RFTN1: variants seen among roughly 807,000 people sequenced by gnomAD.
RFTN1 encodes the protein raftlin.
In RFTN1, 26 loss-of-function variants were observed where a neutral mutation model predicts 46.5. That is an observed-to-expected ratio of 0.56 (90% CI 0.41 to 0.78). The LOEUF is 0.78. Ranked by LOEUF, RFTN1 falls within the 30% of genes least tolerant of loss-of-function variation. The pLI is 0.00. For synonymous variants in RFTN1, 261 were observed against 284.2 expected, an observed-to-expected ratio of 0.92 and a Z score of 0.82; for missense variants, 693 against 718.7, an observed-to-expected ratio of 0.96 and a Z score of 0.41.
intron 2 of RFTN1, among the ~76,000 whole-genome samples, chr3:16,487,432 T>G (rs1249684443): frequency 6.6e-6 from 1 of 152,244 alleles, no homozygotes; most frequent in Non-Finnish European, 1.5e-5. Context: ...TATAGAACTT[T>G]CGGCAATGAT....
Position 16,317,250 on chromosome 3 carries a change from TG to T in RFTN1, c.1333-19del. The T allele has an allele frequency of 1.2e-6, 2 of 1,608,948 alleles. No individual in the cohort carries two copies. On this transcript the variant is annotated intron_variant, in intron 9 of 9. Transcript: ENST00000334133. This position sits in a 1 kb window ranked among gnomAD's most constrained non-coding sequence, Gnocchi z 4.3. ...CACTGAAACTAGAAATCAGAAAGGA[TG>T]GGGATAAATAACAAGCCTCCGGGAA... is the stretch of plus-strand genomic sequence containing the variant.
Position 16,384,891 on chromosome 3 carries a change from C to T in RFTN1, c.442-6789G>A, listed in dbSNP as rs368214374. On this transcript the variant is annotated intron_variant, in intron 4 of 9. Transcript: ENST00000334133. The surrounding 1 kb of genome is among the most constrained non-coding windows in gnomAD (Gnocchi z 4.7). The stretch of plus-strand genomic sequence containing the variant: ...GTAGAACATATCCATCATCATAGAA[C>T]GTTCTATTGGGTAGCTCTGCTATAG... 2.0e-4 allele frequency among the ~76,000 whole-genome samples: 31 copies of T among 152,232 alleles called. No individual in the cohort carries two copies. Among genetic ancestry groups the T allele is most frequent in the African/African-American group, 4.8e-5 (2 of 41,520 alleles).
rs2074056983 is a variant in RFTN1 at position 16,383,321 on chromosome 3, T to C, written c.442-5219A>G. Among the ~76,000 whole-genome samples the C allele has an allele frequency of 6.6e-6, 1 of 152,168 alleles. No homozygotes were observed. Among genetic ancestry groups the C allele is most frequent in the African/African-American group, 2.4e-5 (1 of 41,442 alleles). ...CCTGTAAGAACCCACCTGCCCCAAATACTTAAAGAGTAACAATTTCTGGTT... is the reference window on the plus strand; with the variant it reads ...CCTGTAAGAACCCACCTGCCCCAAACACTTAAAGAGTAACAATTTCTGGTT... On this transcript the variant is annotated intron_variant, in intron 4 of 9. Transcript: ENST00000334133. The surrounding 1 kb of genome is among the most constrained non-coding windows in gnomAD (Gnocchi z 4.0).
intron 2 of RFTN1, among the ~76,000 whole-genome samples, chr3:16,471,710 A>G (rs990339387): frequency 6.6e-6 from 1 of 152,220 alleles, no homozygotes; most frequent in African/African-American, 2.4e-5. Context: ...TAAGCATTCT[A>G]AAACACACAC....
rs550739197 is a variant in RFTN1, at chr3:16,440,777, T to C, written c.146-6740A>G. On this transcript the variant is annotated intron_variant, in intron 2 of 9. Transcript: ENST00000334133. The surrounding 1 kb of genome is among the most constrained non-coding windows in gnomAD (Gnocchi z 4.6). ...CTTCCTAATCTTTAAATGTGACAAG[T>C]AACTGTAATTTTTTTCTCAATCCCA... is the stretch of plus-strand genomic sequence containing the variant. Among the ~76,000 whole-genome samples the C allele has an allele frequency of 1.3e-5, 2 of 152,202 alleles. 1 individual carries two copies. The highest frequency in any genetic ancestry group is 4.8e-5 in the African/African-American group (2 of 41,528).
rs905874702 is a variant in RFTN1, at chr3:16,414,869, G to A, written c.333-5386C>T. ...AGAAGCCCTGTGGCCGGGGCTCAGT[G>A]CAGAGGGGTGCAGGGAGGAAGACAC... On this transcript the variant is annotated intron_variant, in intron 3 of 9. Coordinates refer to ENST00000334133, the MANE Select transcript of RFTN1 (RefSeq NM_015150.2). 4.6e-5 allele frequency among the ~76,000 whole-genome samples: 7 copies of A among 152,216 alleles called. No homozygotes were observed. In the East Asian group the frequency reaches 1.2e-3, roughly 25 times the overall value.
At chr3:16,391,892 TTG>T (rs750097206) in intron 4 of RFTN1, among the ~76,000 whole-genome samples, 1,837 of 29,956 alleles carry the variant, frequency 0.061, 274 homozygotes, top group East Asian at 0.11. Context: ...GTTTTTTTTT[TTG>T]TTTTTTTTAC....
chr3:16,359,816 C>CTT (rs144720357), intron 6 of RFTN1, among the ~76,000 whole-genome samples: 5 of 148,474 alleles, frequency 3.4e-5, no homozygotes, highest in Non-Finnish European at 7.5e-5. Flanking sequence ...ATAATGTGAC[C>CTT]TTTTTTTTTT....
chr3:16,407,905 A>G lies in RFTN1; in HGVS notation c.441+1470T>C, dbSNP rs921638369. On this transcript the variant is annotated intron_variant, in intron 4 of 9. Transcript: ENST00000334133. The surrounding 1 kb of genome is among the most constrained non-coding windows in gnomAD (Gnocchi z 4.0). ...TCAGAGATCATCTGGCTCCTGGTCT[A>G]TGGGCCATAGACCCATACATGAGCG... Among the ~76,000 whole-genome samples, 1 of 152,112 alleles carries G rather than the reference A, an allele frequency of 6.6e-6. No homozygotes were observed. Among genetic ancestry groups the G allele is most frequent in the Non-Finnish European group, 1.5e-5 (1 of 68,022 alleles).
Position 16,424,941 on chromosome 3 carries a change from C to A in RFTN1, c.332+8910G>T, listed in dbSNP as rs1201338542. On this transcript the variant is annotated intron_variant, in intron 3 of 9. Transcript: ENST00000334133. This position sits in a 1 kb window ranked among gnomAD's most constrained non-coding sequence, Gnocchi z 4.7. ...TATCTTTTTCAGCTTGAAAAACACA[C>A]AAAAAAAATCTAAGTTACTTCTGAT... is the stretch of plus-strand genomic sequence containing the variant. 1.3e-5 allele frequency among the ~76,000 whole-genome samples: 2 copies of A among 148,580 alleles called. No individual in the cohort carries two copies. Among genetic ancestry groups the A allele is most frequent in the African/African-American group, 2.4e-5 (1 of 40,834 alleles).
intron 4 of RFTN1, among the ~76,000 whole-genome samples, chr3:16,406,298 G>C (rs1282487218): frequency 6.6e-6 from 1 of 152,198 alleles, no homozygotes; most frequent in African/African-American, 2.4e-5. Context: ...TGTTGTCATG[G>C]CAACTGGACT....
Position 16,480,060 on chromosome 3 carries a change from A to G in RFTN1, c.145+13665T>C, listed in dbSNP as rs2076339935. 6.6e-6 allele frequency among the ~76,000 whole-genome samples: 1 copy of G among 152,202 alleles called. No homozygotes were observed. Among genetic ancestry groups the G allele is most frequent in the Non-Finnish European group, 1.5e-5 (1 of 68,030 alleles). ...ATTGAGAGACCTTACTATCTTGTTC[A>G]CCATTGCATGCTCAATACAGAGCCT... On this transcript the variant is annotated intron_variant, in intron 2 of 9. Transcript: ENST00000334133. This position sits in a 1 kb window ranked among gnomAD's most constrained non-coding sequence, Gnocchi z 4.3.
At position 16,353,103 on chromosome 3, in the gene RFTN1, G is replaced by A. The variant is rs939169708; in HGVS notation, c.1146+4829C>T. ...CACTGTGAGACATGAGAAAGAGCTG[G>A]GCAGGGACGTTTTGTGGTCGGAGAG... On this transcript the variant is annotated intron_variant, in intron 7 of 9. Transcript: ENST00000334133. This position sits in a 1 kb window ranked among gnomAD's most constrained non-coding sequence, Gnocchi z 5.4. 3.0e-4 allele frequency among the ~76,000 whole-genome samples: 45 copies of A among 152,188 alleles called. No individual in the cohort carries two copies. The highest frequency in any genetic ancestry group is 9.9e-4 in the African/African-American group (41 of 41,438).
At chr3:16,445,441 C>T (rs1294253788) in intron 2 of RFTN1, among the ~76,000 whole-genome samples, 1 of 151,226 alleles carries the variant, frequency 6.6e-6, no homozygotes, top group Non-Finnish European at 1.5e-5. Context: ...CTCTCTCTGT[C>T]TGTTGCCATT....
chr3:16,413,574 G>A lies in RFTN1; in HGVS notation c.333-4091C>T, dbSNP rs1277905267. 6.6e-6 allele frequency among the ~76,000 whole-genome samples: 1 copy of A among 152,152 alleles called. No individual in the cohort carries two copies. Among genetic ancestry groups the A allele is most frequent in the Admixed American group, 6.5e-5 (1 of 15,280 alleles). On this transcript the variant is annotated intron_variant, in intron 3 of 9. Coordinates refer to ENST00000334133, the MANE Select transcript of RFTN1 (RefSeq NM_015150.2). The surrounding 1 kb of genome is among the most constrained non-coding windows in gnomAD (Gnocchi z 4.7). ...GAAGTCCAGATGACTTCCACTTTTG[G>A]AAAGGACAGAGAGATCTGGTTTTAA...
intron 6 of RFTN1, among the ~76,000 whole-genome samples, chr3:16,366,246 G>C (rs972636368): frequency 2.6e-5 from 4 of 151,626 alleles, no homozygotes; most frequent in Admixed American, 2.0e-4. Context: ...TGAAAAATCA[G>C]CCTCCTCGCT....
At chr3:16,430,634 A>G (rs1162949881) in intron 3 of RFTN1, among the ~76,000 whole-genome samples, 2 of 152,138 alleles carry the variant, frequency 1.3e-5, no homozygotes, top group Non-Finnish European at 1.5e-5. Flanking sequence ...TTACATGATA[A>G]ATTATCAAAC....
At chr3:16,441,902 T>C (rs1317432420) in intron 2 of RFTN1, among the ~76,000 whole-genome samples, 1 of 152,184 alleles carries the variant, frequency 6.6e-6, no homozygotes, top group Non-Finnish European at 1.5e-5. Flanking sequence ...TAGATCCAAT[T>C]TAGCAAAACA....
intron 1 of RFTN1, among the ~76,000 whole-genome samples, chr3:16,494,361 T>C (rs1164758994): frequency 6.6e-6 from 1 of 152,244 alleles, no homozygotes; most frequent in Non-Finnish European, 1.5e-5. Flanking sequence ...CCCTCAACAG[T>C]AATTATTTAG....
Sources: allele counts gnomAD v4.1 joint callset (sites outside exome capture counted in the v4.1 genomes callset), GRCh38; gene constraint gnomAD v4.1.1; non-coding constraint Gnocchi (gnomAD v3.1); transcripts MANE v1.5; gene names NCBI Gene and HGNC (gene_info 2026-07-23, HGNC 2026-07-21).